Variants in CRHBP observed in about 807,000 individuals in gnomAD.
CRHBP encodes corticotropin releasing hormone binding protein.
Under a neutral mutation model 34.9 loss-of-function variants are expected in CRHBP, and 19 were observed. The observed-to-expected ratio is 0.55, with a 90% CI of 0.38 to 0.80. CRHBP has a LOEUF of 0.80. Among genes scored for constraint, CRHBP ranks in the 30% least tolerant of loss-of-function variants. The pLI, the probability that CRHBP is intolerant of heterozygous loss-of-function variation, is 0.00. For missense variants in CRHBP, 328 were observed against 409.2 expected, an observed-to-expected ratio of 0.80 and a Z score of 1.71; for synonymous variants, 154 against 153.4, an observed-to-expected ratio of 1.00 and a Z score of -0.03.
chr5:76,965,414 C>T (rs745437776), intron 6 of CRHBP, among the ~76,000 whole-genome samples: 5 of 152,164 alleles, frequency 3.3e-5, no homozygotes, highest in African/African-American at 4.8e-5. Context: ...TCCCACTTTG[C>T]GGAAAACTAG....
At chr5:76,970,307 C>G (rs1044748593), downstream of CRHBP, among the ~76,000 whole-genome samples, 1 of 151,890 alleles carries the variant, frequency 6.6e-6, no homozygotes, top group Non-Finnish European at 1.5e-5. Context: ...CAAACTATGC[C>G]ATAATTAATG....
rs1360437200 is a variant in CRHBP at position 76,966,583 on chromosome 5, T to C, written c.812-2145T>C. Among the ~76,000 whole-genome samples the C allele has an allele frequency of 3.3e-5, 5 of 152,174 alleles. No individual in the cohort carries two copies. The South Asian group carries it at 8.3e-4, about 25-fold the overall frequency. The stretch of plus-strand genomic sequence containing the variant: ...GAAGTTTGCATTAATTGGGCTTAGG[T>C]TCCCTGCCCCCAGACCCAGGTGTTT... On this transcript the variant is annotated intron_variant, in intron 6 of 6. Transcript: ENST00000274368.
At chr5:76,975,914 A>ATG (rs554827465) in intron 2 of CRHBP, among the ~76,000 whole-genome samples, 1 of 122,978 alleles carries the variant, frequency 8.1e-6, no homozygotes, top group Non-Finnish European at 1.6e-5. Context: ...GTGTATATAT[A>ATG]TGTGTATATA....
At chr5:76,967,267 A>T (rs1193943445) in intron 6 of CRHBP, among the ~76,000 whole-genome samples, 1 of 152,124 alleles carries the variant, frequency 6.6e-6, no homozygotes. Context: ...AAGGAAAAGA[A>T]AAAGAAATTT....
chr5:76,961,986 T>C (rs1043686872), intron 5 of CRHBP, among the ~76,000 whole-genome samples: 1 of 152,194 alleles, frequency 6.6e-6, no homozygotes, highest in South Asian at 2.1e-4. Context: ...ACTCCTGACC[T>C]CAAATGATCC....
At chr5:76,958,395 G>A (rs1448977623) in intron 4 of CRHBP, among the ~76,000 whole-genome samples, 3 of 152,118 alleles carry the variant, frequency 2.0e-5, no homozygotes, top group African/African-American at 4.8e-5. Flanking sequence ...CTAGCTTTAA[G>A]CTGGACTCTA....
intron 6 of CRHBP, among the ~76,000 whole-genome samples, chr5:76,967,778 A>T (rs1745880768): frequency 6.6e-6 from 1 of 151,578 alleles, no homozygotes; most frequent in African/African-American, 2.4e-5. Flanking sequence ...GACCCACCAC[A>T]ACCACTGCCT....
chr5:76,956,997 C>T (rs1745681694), intron 4 of CRHBP, among the ~76,000 whole-genome samples: 1 of 152,046 alleles, frequency 6.6e-6, no homozygotes, highest in Non-Finnish European at 1.5e-5. Flanking sequence ...CAGAAGAATT[C>T]TAGAAGACAA....
Position 76,955,691 on chromosome 5 carries a change from C to A in CRHBP, c.372C>A (p.Pro124=). 1 of 1,614,136 alleles carries A rather than the reference C, an allele frequency of 6.2e-7. No individual in the cohort carries two copies. The highest frequency in any genetic ancestry group is 8.5e-7 in the Non-Finnish European group (1 of 1,180,020). The change falls in exon 4 of 7, where the codon CCC becomes CCA. Residue 124 remains proline (P), a synonymous_variant. Transcript: ENST00000274368. ...DGWILKGEKF[P]SSQDHPLPSA... ...GGATTCTCAAGGGGGAGAAGTTCCC[C>A]AGTTCCCAGGATCATCCTCTCCCCT...
In CRHBP at chr5:76,968,737, A is replaced by G. The variant is rs1407423941; in HGVS notation, c.821A>G (p.Lys274Arg). 3 of 1,611,764 alleles carry G rather than the reference A, an allele frequency of 1.9e-6. No individual in the cohort carries two copies. Among genetic ancestry groups the G allele is most frequent in the Admixed American group, 3.3e-5 (2 of 59,706 alleles). The change falls in exon 7 of 7, where the codon AAA (lysine) becomes AGA (arginine). Residue 274 changes from lysine to arginine, a missense_variant. Physicochemically the swap from Lys to Arg is conservative, Grantham distance 26. This residue lies in a region of CRHBP where 144 missense variants were observed against 216.7 expected (regional missense o/e 0.66). Coordinates refer to ENST00000274368, the MANE Select transcript of CRHBP (RefSeq NM_001882.4). ...CYPFHGPAQM[K>R]VGCDNTVVRM... ...TTTCCATCCATTATAGCCCAGATGAAAGTTGGCTGTGACAACACTGTGGTG... is the reference window on the plus strand; with the variant it reads ...TTTCCATCCATTATAGCCCAGATGAGAGTTGGCTGTGACAACACTGTGGTG...
intron 4 of CRHBP, among the ~76,000 whole-genome samples, chr5:76,958,071 A>G (rs1745716990): frequency 6.6e-6 from 1 of 151,982 alleles, no homozygotes; most frequent in Non-Finnish European, 1.5e-5. Flanking sequence ...AGGCAGGAGA[A>G]TCACTTGAAC....
chr5:76,970,653 AAAG>A (rs1745931933), downstream of CRHBP, among the ~76,000 whole-genome samples: 2 of 152,224 alleles, frequency 1.3e-5, no homozygotes, highest in South Asian at 4.1e-4. Flanking sequence ...TTTTCTTAAA[AAAG>A]ATAGTCACTC....
intron 2 of CRHBP, among the ~76,000 whole-genome samples, chr5:76,975,932 GTGTGTA>G (rs1219655642): frequency 3.0e-4 from 31 of 102,744 alleles, no homozygotes; most frequent in African/African-American, 1.1e-3. Context: ...ATATATGTGT[GTGTGTA>G]TATATATATA....
At chr5:76,963,495 A>G (rs1245463153) in intron 6 of CRHBP, 35 bp downstream of exon 6, 1 of 1,533,972 alleles carries the variant, frequency 6.5e-7, no homozygotes, top group Non-Finnish European at 8.9e-7. Context: ...GTATGTGCCT[A>G]TCAAGATTAA....
intron 5 of CRHBP, among the ~76,000 whole-genome samples, chr5:76,961,933 TA>T (rs1413582469): frequency 3.9e-5 from 6 of 152,128 alleles, no homozygotes; most frequent in Non-Finnish European, 8.8e-5. Flanking sequence ...TTTGTATTTT[TA>T]GTGGAGACGG....
chr5:76,954,211 C>A, intron 3 of CRHBP, 25 bp downstream of exon 3: 1 of 1,607,256 alleles, frequency 6.2e-7, no homozygotes, highest in South Asian at 1.1e-5. Context: ...GCCAGCCAAC[C>A]TAGCCGGAGG....
At chr5:76,963,742 G>T (rs1350656937) in intron 6 of CRHBP, among the ~76,000 whole-genome samples, 1 of 152,076 alleles carries the variant, frequency 6.6e-6, no homozygotes, top group Non-Finnish European at 1.5e-5. Context: ...TTTCTTGGGG[G>T]TCTCTGCTTT....
downstream of CRHBP, among the ~76,000 whole-genome samples, chr5:76,972,575 A>C (rs961808490): frequency 6.6e-6 from 1 of 151,990 alleles, no homozygotes; most frequent in Admixed American, 6.6e-5. Context: ...CAAGCGATCC[A>C]CCCACCTCAG....
chr5:76,964,271 G>A (rs1341396596), intron 6 of CRHBP, among the ~76,000 whole-genome samples: 1 of 152,004 alleles, frequency 6.6e-6, no homozygotes, highest in African/African-American at 2.4e-5. Context: ...TAACATTAAC[G>A]AGACAAAACA....
Sources: gnomAD v4.1 joint callset for allele counts (sites outside exome capture counted in the v4.1 genomes callset) on GRCh38, gnomAD v4.1.1 for gene constraint, gnomAD v4.1.1 regional missense constraint, MANE v1.5 for transcripts, NCBI Gene and HGNC (gene_info 2026-07-23, HGNC 2026-07-21) for gene names.